The following TXLNB variants were observed in gnomAD, a reference collection of about 807,000 sequenced individuals.
TXLNB encodes beta-taxilin.
In TXLNB, 37 loss-of-function variants were observed where a neutral mutation model predicts 57.4. The observed-to-expected ratio is 0.64, with a 90% CI of 0.50 to 0.85. The LOEUF is 0.85. TXLNB is among the 40% of genes least tolerant of loss of function. The pLI is 0.00. For synonymous variants in TXLNB, 302 were observed against 309.6 expected, an observed-to-expected ratio of 0.98 and a Z score of 0.26; for missense variants, 848 against 825.6, an observed-to-expected ratio of 1.03 and a Z score of -0.33.
At chr6:139,188,474 A>T in the TXLNB span, among the ~76,000 whole-genome samples, 12 of 152,250 alleles carry the variant, frequency 7.9e-5, no homozygotes, top group African/African-American at 2.6e-4. Context: ...CTAAAACAGG[A>T]TCTGTGATCT....
chr6:139,254,163 A>G (rs1254686776), intron 7 of TXLNB, among the ~76,000 whole-genome samples: 3 of 152,230 alleles, frequency 2.0e-5, no homozygotes, highest in Non-Finnish European at 4.4e-5. Context: ...ACTGGAGAAA[A>G]TAATTTATTA....
Position 139,255,582 on chromosome 6 carries a change from C to G in TXLNB, c.1059G>C (p.Glu353Asp). The G allele has an allele frequency of 6.2e-7, 1 of 1,613,904 alleles. No homozygotes were observed. Among genetic ancestry groups the G allele is most frequent in the East Asian group, 2.2e-5 (1 of 44,878 alleles). ...GCCTCACCTGAGCCTGCAGGACTGT[C>G]TCTTGCTCCTTCAGCACTTTCGCCT... ...KLQAKVLKEQ[E>D]TVLQAQLTLY... The change falls in exon 7 of 10, where the codon GAG becomes GAC. Residue 353 changes from glutamate (E) to aspartate (D), a missense_variant. By Grantham distance (45) the Glu-to-Asp change is conservative. Coordinates refer to ENST00000358430, the MANE Select transcript of TXLNB (RefSeq NM_153235.4).
chr6:139,280,505 C>T (rs35686062), intron 2 of TXLNB, among the ~76,000 whole-genome samples: 1 of 151,306 alleles, frequency 6.6e-6, no homozygotes, highest in Non-Finnish European at 1.5e-5. Flanking sequence ...ATTAGCTGGG[C>T]GTGGTGGCGC....
chr6:139,222,463 T>C, the TXLNB span, among the ~76,000 whole-genome samples: 1 of 152,156 alleles, frequency 6.6e-6, no homozygotes, highest in African/African-American at 2.4e-5. Flanking sequence ...TAAATTTTTA[T>C]ACACCTAATA....
At chr6:139,286,958 G>T (rs1777191112) in intron 2 of TXLNB, 1 of 153,002 alleles carries the variant, frequency 6.5e-6, no homozygotes, top group African/African-American at 2.4e-5. Context: ...TAGAAATAAG[G>T]TGCACAATAA....
chr6:139,278,631 A>G (rs200029118), intron 2 of TXLNB, among the ~76,000 whole-genome samples: 1 of 148,132 alleles, frequency 6.8e-6, no homozygotes, highest in South Asian at 2.1e-4. Flanking sequence ...TCAAGAGACT[A>G]CTCTTGATCA....
At position 139,242,810 on chromosome 6, in the gene TXLNB, C is replaced by G. The variant is rs149055963; in HGVS notation, c.1771G>C (p.Glu591Gln). ...PAGLGAETQC[E>Q]GLPVGAQADQ... ...GCCTGTGCTCCAACAGGGAGACCCT[C>G]GCATTGGGTTTCTGCTCCCAACCCG... The change falls in exon 10 of 10, where the codon GAG (glutamate) becomes CAG (glutamine). Residue 591 changes from glutamate to glutamine, a missense_variant. Physicochemically the swap from Glu to Gln is conservative, Grantham distance 29. Coordinates refer to ENST00000358430, the MANE Select transcript of TXLNB (RefSeq NM_153235.4). 5 of 1,614,138 alleles carry G rather than the reference C, an allele frequency of 3.1e-6. No individual in the cohort carries two copies. Among genetic ancestry groups the G allele is most frequent in the Non-Finnish European group, 4.2e-6 (5 of 1,180,038 alleles).
intron 1 of TXLNB, among the ~76,000 whole-genome samples, chr6:139,290,110 G>T (rs184967015): frequency 7.9e-5 from 12 of 152,324 alleles, no homozygotes; most frequent in Admixed American, 2.0e-4. Context: ...ACACGGGCCA[G>T]GTGCTGTGGC....
the TXLNB span, among the ~76,000 whole-genome samples, chr6:139,309,066 C>T: frequency 6.6e-6 from 1 of 152,316 alleles, no homozygotes; most frequent in Admixed American, 6.5e-5. Context: ...TCCAACCACA[C>T]TCCCAGCTGG....
intron 4 of TXLNB, among the ~76,000 whole-genome samples, chr6:139,266,867 A>G (rs542605925): frequency 6.6e-6 from 1 of 152,104 alleles, no homozygotes; most frequent in East Asian, 1.9e-4. Context: ...GAGAAAAAGG[A>G]CATATCACAT....
chr6:139,308,288 G>A, the TXLNB span, among the ~76,000 whole-genome samples: 1 of 152,170 alleles, frequency 6.6e-6, no homozygotes, highest in South Asian at 2.1e-4. Context: ...TGGATCCTAA[G>A]CGATACAACT....
chr6:139,235,483 A>G (rs1003704530), downstream of TXLNB, among the ~76,000 whole-genome samples: 12 of 152,142 alleles, frequency 7.9e-5, no homozygotes, highest in African/African-American at 2.7e-4. Context: ...GTGAGGGGCC[A>G]GGGGCAGAAT....
At chr6:139,185,388 A>T in the TXLNB span, among the ~76,000 whole-genome samples, 1 of 152,186 alleles carries the variant, frequency 6.6e-6, no homozygotes, top group Non-Finnish European at 1.5e-5. Flanking sequence ...CACTTTAAAG[A>T]CATAAGTTTT....
upstream of TXLNB, among the ~76,000 whole-genome samples, chr6:139,293,917 C>G (rs1434039042): frequency 6.6e-6 from 1 of 152,088 alleles, no homozygotes; most frequent in African/African-American, 2.4e-5. Context: ...GGCATTCCAT[C>G]CTGGATTGTA....
At chr6:139,163,076 C>T in the TXLNB span, among the ~76,000 whole-genome samples, 1 of 152,204 alleles carries the variant, frequency 6.6e-6, no homozygotes, top group African/African-American at 2.4e-5. Context: ...GAGACAGTGC[C>T]TGGCTCACTG....
At chr6:139,235,779 G>A (rs1775829778), downstream of TXLNB, among the ~76,000 whole-genome samples, 1 of 152,006 alleles carries the variant, frequency 6.6e-6, no homozygotes. Flanking sequence ...GACCATCCGG[G>A]CCCGCCACGC....
At chr6:139,255,779 A>G in intron 6 of TXLNB, 141 bp from the exon 7 acceptor site, 1 of 619,680 alleles carries the variant, frequency 1.6e-6, no homozygotes, top group East Asian at 3.0e-5. Flanking sequence ...AGAATCTAAG[A>G]AAGCTTAAAA....
intron 4 of TXLNB, among the ~76,000 whole-genome samples, chr6:139,265,708 G>T (rs1219334329): frequency 6.6e-6 from 1 of 152,204 alleles, no homozygotes; most frequent in African/African-American, 2.4e-5. Context: ...TGACACTAGA[G>T]AGTAAACAAA....
At chr6:139,171,223 A>G in the TXLNB span, among the ~76,000 whole-genome samples, 1 of 152,136 alleles carries the variant, frequency 6.6e-6, no homozygotes, top group Non-Finnish European at 1.5e-5. Flanking sequence ...TTGGATAGGA[A>G]GAAAAGAGAA....
Sources: gnomAD v4.1 joint callset for allele counts (sites outside exome capture counted in the v4.1 genomes callset) on GRCh38, gnomAD v4.1.1 for gene constraint, MANE v1.5 for transcripts, NCBI Gene and HGNC (gene_info 2026-07-23, HGNC 2026-07-21) for gene names.